Variants in TMCC1 observed in about 807,000 individuals in gnomAD.
The protein encoded by TMCC1 is transmembrane and coiled-coil domain family 1.
TMCC1 carries 15 observed loss-of-function variants against 52.4 expected under a neutral mutation model. The observed-to-expected ratio is 0.29, with a 90% CI of 0.19 to 0.44. The LOEUF is 0.44. Ranked by LOEUF, TMCC1 falls within the 20% of genes least tolerant of loss-of-function variation. The pLI is 1.00. For synonymous variants in TMCC1, 279 were observed against 301.9 expected, an observed-to-expected ratio of 0.92 and a Z score of 0.79; for missense variants, 503 against 806.0, an observed-to-expected ratio of 0.62 and a Z score of 4.55.
intron 3 of TMCC1, among the ~76,000 whole-genome samples, chr3:129,830,295 G>T (rs773177266): frequency 1.9e-4 from 29 of 152,136 alleles, no homozygotes; most frequent in Non-Finnish European, 3.5e-4. Context: ...GGTGCTCCTT[G>T]TGGGCAAAAA....
At chr3:129,842,772 T>C (rs1328858187) in intron 2 of TMCC1, among the ~76,000 whole-genome samples, 1 of 152,128 alleles carries the variant, frequency 6.6e-6, no homozygotes, top group Non-Finnish European at 1.5e-5. Context: ...TATGTGGATA[T>C]TAAACAATAC....
In TMCC1 at chr3:129,731,989, T is replaced by C. The variant is rs145452843; in HGVS notation, c.577-60725A>G. Reference sequence around the variant, plus strand: ...AATGCAATGCCTACACATCACTTCATTCACATGGATTCAACATAGTATTTC... The same window carrying C: ...AATGCAATGCCTACACATCACTTCACTCACATGGATTCAACATAGTATTTC... On this transcript the variant is annotated intron_variant, in intron 4 of 6. Coordinates refer to ENST00000393238, the MANE Select transcript of TMCC1 (RefSeq NM_001017395.5). Among the ~76,000 whole-genome samples the C allele has an allele frequency of 4.6e-5, 7 of 152,346 alleles. No individual in the cohort carries two copies. The East Asian group carries it at 1.4e-3, about 29-fold the overall frequency.
chr3:129,730,821 C>A (rs2107614527), intron 4 of TMCC1, among the ~76,000 whole-genome samples: 1 of 152,298 alleles, frequency 6.6e-6, no homozygotes, highest in South Asian at 2.1e-4. Flanking sequence ...CTACCAGAAT[C>A]ACCTAAGATG....
At chr3:129,683,816 A>AT (rs982273000) in intron 4 of TMCC1, among the ~76,000 whole-genome samples, 4 of 152,210 alleles carry the variant, frequency 2.6e-5, no homozygotes, top group African/African-American at 9.6e-5. Context: ...AAATTTATTT[A>AT]AACAGACAGG....
At chr3:129,821,406 TTAC>T in intron 4 of TMCC1, among the ~76,000 whole-genome samples, 1 of 152,224 alleles carries the variant, frequency 6.6e-6, no homozygotes, top group East Asian at 1.9e-4. Context: ...GGAAAGGATC[TTAC>T]ATACATTAGA....
chr3:129,854,054 T>A (rs2107910426), intron 2 of TMCC1, among the ~76,000 whole-genome samples: 1 of 152,214 alleles, frequency 6.6e-6, no homozygotes. Context: ...CTACATCCAC[T>A]CTGGTACCCC....
chr3:129,723,990 T>A (rs1200038019), intron 4 of TMCC1, among the ~76,000 whole-genome samples: 1 of 150,992 alleles, frequency 6.6e-6, no homozygotes. Flanking sequence ...GAGGGCTCCA[T>A]GCTTGTGAGA....
At chr3:129,700,769 C>T (rs1336356412) in intron 4 of TMCC1, among the ~76,000 whole-genome samples, 4 of 150,316 alleles carry the variant, frequency 2.7e-5, no homozygotes, top group East Asian at 1.9e-4. Flanking sequence ...GCCACTGCGC[C>T]CAGCCAAAAA....
intron 2 of TMCC1, among the ~76,000 whole-genome samples, chr3:129,834,243 A>G (rs2059053029): frequency 6.6e-6 from 1 of 152,170 alleles, no homozygotes; most frequent in African/African-American, 2.4e-5. Flanking sequence ...CAGTAATCAC[A>G]GTATGTTTGG....
At chr3:129,725,855 G>C (rs534121138) in intron 4 of TMCC1, among the ~76,000 whole-genome samples, 16 of 152,294 alleles carry the variant, frequency 1.1e-4, no homozygotes, top group African/African-American at 3.6e-4. Flanking sequence ...ACAAGGCCAA[G>C]AGAAAAGTCT....
At chr3:129,830,987 C>T (rs1404463442) in intron 3 of TMCC1, among the ~76,000 whole-genome samples, 7 of 152,138 alleles carry the variant, frequency 4.6e-5, no homozygotes, top group East Asian at 1.9e-4. Flanking sequence ...CAGGCTGGAG[C>T]GCAGTGGCAC....
chr3:129,828,187 T>G lies in TMCC1; in HGVS notation c.192A>C (p.Ser64=), dbSNP rs896423221. The change falls in exon 4 of 7, where the codon TCA becomes TCC. Residue 64 remains serine (S), a synonymous_variant. Transcript: ENST00000393238. This position sits in a 1 kb window ranked among gnomAD's most constrained non-coding sequence, Gnocchi z 4.1. ...HLFQHQRRRS[S]VSPHDVQQIQ... Reference sequence around the variant, plus strand: ...TTTGCTGCACATCATGTGGAGACACTGATGACCTCCTGCGCTGGTGCTGGA... The same window carrying G: ...TTTGCTGCACATCATGTGGAGACACGGATGACCTCCTGCGCTGGTGCTGGA... 6.2e-7 allele frequency: 1 copy of G among 1,614,198 alleles called. No individual in the cohort carries two copies. Among genetic ancestry groups the G allele is most frequent in the Admixed American group, 1.7e-5 (1 of 60,008 alleles).
Position 129,682,073 on chromosome 3 carries a change from AG to A in TMCC1, c.577-10810del, listed in dbSNP as rs750274920. Among the ~76,000 whole-genome samples, 7 of 152,240 alleles carry A rather than the reference AG, an allele frequency of 4.6e-5. No homozygotes were observed. In the East Asian group the frequency reaches 1.3e-3, roughly 29 times the overall value. On this transcript the variant is annotated intron_variant, in intron 4 of 6. Coordinates refer to ENST00000393238, the MANE Select transcript of TMCC1 (RefSeq NM_001017395.5). ...AATATAATTTTTAACTGAAAACTTA[AG>A]TTTTTCTGTTATTTTGCACTGAAAT...
chr3:129,709,835 C>T (rs930965447), intron 4 of TMCC1, among the ~76,000 whole-genome samples: 2 of 151,942 alleles, frequency 1.3e-5, no homozygotes, highest in African/African-American at 4.8e-5. Flanking sequence ...GAATTGAGGA[C>T]GATGTCTATC....
At chr3:129,826,172 G>C (rs1340953858) in intron 4 of TMCC1, among the ~76,000 whole-genome samples, 1 of 151,966 alleles carries the variant, frequency 6.6e-6, no homozygotes, top group East Asian at 1.9e-4. Context: ...AACTAGTTTG[G>C]GTAATCAGTG....
intron 4 of TMCC1, among the ~76,000 whole-genome samples, chr3:129,737,056 A>G (rs1248692361): frequency 6.6e-6 from 1 of 152,162 alleles, no homozygotes; most frequent in Non-Finnish European, 1.5e-5. Context: ...TGTCTCCCCA[A>G]AATTCATATG....
At chr3:129,853,006 C>T (rs1411799907) in intron 2 of TMCC1, among the ~76,000 whole-genome samples, 1 of 152,008 alleles carries the variant, frequency 6.6e-6, no homozygotes, top group Non-Finnish European at 1.5e-5. Flanking sequence ...TAATTATTTG[C>T]CAACACACAA....
intron 4 of TMCC1, among the ~76,000 whole-genome samples, chr3:129,719,921 G>A (rs2049428136): frequency 6.6e-6 from 1 of 152,068 alleles, no homozygotes; most frequent in South Asian, 2.1e-4. Context: ...TCTCATGCCT[G>A]TAATCTCAAC....
intron 1 of TMCC1, among the ~76,000 whole-genome samples, chr3:129,883,959 C>A (rs1400429443): frequency 6.6e-6 from 1 of 151,662 alleles, no homozygotes; most frequent in African/African-American, 2.4e-5. Flanking sequence ...AAAAATAAAC[C>A]CAATGAAAGC....
Sources: allele counts gnomAD v4.1 joint callset (sites outside exome capture counted in the v4.1 genomes callset), GRCh38; gene constraint gnomAD v4.1.1; non-coding constraint Gnocchi (gnomAD v3.1); transcripts MANE v1.5; gene names NCBI Gene and HGNC (gene_info 2026-07-23, HGNC 2026-07-21).